LSS: variants seen among roughly 807,000 people sequenced by gnomAD.
LSS encodes the protein 2,3-epoxysqualene-lanosterol cyclase.
Under a neutral mutation model 110.3 loss-of-function variants are expected in LSS, and 90 were observed. That is an observed-to-expected ratio of 0.82 (90% CI 0.69 to 0.97). The LOEUF (loss-of-function observed/expected upper bound fraction) is 0.97, where lower values mean the gene tolerates loss of function less well. Ranked by LOEUF, LSS falls within the 50% of genes least tolerant of loss-of-function variation. LSS has a pLI of 0.00. For missense variants in LSS, 927 were observed against 990.0 expected (o/e 0.94, Z 0.85); for synonymous variants, 433 against 400.0 (o/e 1.08, Z -0.98).
chr21:46,223,787 C>T (rs1601450815), intron 3 of LSS, among the ~76,000 whole-genome samples: 1 of 152,200 alleles, frequency 6.6e-6, no homozygotes, highest in African/African-American at 2.4e-5. Context: ...CTGTTATGCC[C>T]GGACGGGGCC....
At position 46,227,630 on chromosome 21, in the gene LSS, T is replaced by A; in HGVS notation, c.241A>T (p.Met81Leu). The A allele has an allele frequency of 6.2e-7, 1 of 1,613,220 alleles. No homozygotes were observed. The highest frequency in any genetic ancestry group is 2.2e-5 in the East Asian group (1 of 44,846). Reference protein sequence around the residue: ...HTAFEGALNGMTFYVGLQAED... With the variant: ...HTAFEGALNGLTFYVGLQAED... ...GCCTGCAGCCCCACGTAAAATGTCA[T>A]CCCGTTCAGAGCCCCCTCAAAGGCG... Residue 81 changes from methionine (M) to leucine (L), a missense_variant, in exon 3 of 22, where the codon ATG becomes TTG. Met to Leu is a conservative substitution (Grantham distance 15). Transcript: ENST00000397728.
chr21:46,209,683 C>T lies in LSS; in HGVS notation c.1195-58G>A, dbSNP rs1413544152. The T allele has an allele frequency of 3.4e-6, 5 of 1,467,884 alleles. No individual in the cohort carries two copies. Among genetic ancestry groups the T allele is most frequent in the Admixed American group, 3.8e-5 (2 of 52,948 alleles). 90.9% of individuals were successfully genotyped at this position (1,467,884 alleles called of 1,614,324 possible). A position where few individuals can be genotyped will look rare whatever the true frequency, so the allele number is the denominator to read the frequency against. On this transcript the variant is annotated intron_variant, in intron 12 of 21. Coordinates refer to ENST00000397728, the MANE Select transcript of LSS (RefSeq NM_002340.6). The surrounding 1 kb of genome is among the most constrained non-coding windows in gnomAD (Gnocchi z 4.4). The stretch of plus-strand genomic sequence containing the variant: ...TGCCCTTGCACGGCCAGCATGGCTG[C>T]GCTGGTTTCCCGATGGTCCTGGCCA...
rs1439091571 is a variant in LSS at position 46,209,429 on chromosome 21, G to A, written c.1266+125C>T. On this transcript the variant is annotated intron_variant, in intron 13 of 21. Coordinates refer to ENST00000397728, the MANE Select transcript of LSS (RefSeq NM_002340.6). This position sits in a 1 kb window ranked among gnomAD's most constrained non-coding sequence, Gnocchi z 4.4. ...CTAGGGAGGGGATGGGAGGGTGGGG[G>A]TGACCTGAAACACCAGTGCAGGAAA... The A allele has an allele frequency of 1.5e-5, 13 of 839,640 alleles. No homozygotes were observed. Among genetic ancestry groups the A allele is most frequent in the African/African-American group, 1.2e-4 (7 of 58,374 alleles). The allele number at this position is 839,640 out of a possible 1,614,324, so 52.0% of individuals were successfully genotyped here.
At chr21:46,228,674 C>T in intron 1 of LSS, 58 bp downstream of exon 1, 1 of 1,600,664 alleles carries the variant, frequency 6.2e-7, no homozygotes, top group Non-Finnish European at 8.5e-7. Context: ...CAGTCGCGCT[C>T]TCCTCAGCAC....
chr21:46,194,432 A>C, intron 20 of LSS, 59 bp downstream of exon 20: 5 of 1,594,958 alleles, frequency 3.1e-6, no homozygotes, highest in Non-Finnish European at 4.3e-6. Flanking sequence ...ACCGGCTCAC[A>C]GCTGAGTGTC....
At position 46,191,253 on chromosome 21, in the gene LSS, A is replaced by C; in HGVS notation, c.2068-18T>G. ...ATGTTTTCCTAAAAGAACACAGAGAAATAAACACAAAGGCTTCACCAGTCA... is the reference window on the plus strand; with the variant it reads ...ATGTTTTCCTAAAAGAACACAGAGACATAAACACAAAGGCTTCACCAGTCA... On this transcript the variant is annotated intron_variant, in intron 21 of 21. Coordinates refer to ENST00000397728, the MANE Select transcript of LSS (RefSeq NM_002340.6). 6.2e-7 allele frequency: 1 copy of C among 1,613,910 alleles called. No individual in the cohort carries two copies.
At chr21:46,202,621 A>G (rs2079993872) in intron 17 of LSS, among the ~76,000 whole-genome samples, 1 of 151,804 alleles carries the variant, frequency 6.6e-6, no homozygotes. Context: ...GTGGTGGCTC[A>G]CTCTGTAATC....
Position 46,195,676 on chromosome 21 carries a change from C to G in LSS, c.1817G>C (p.Gly606Ala), listed in dbSNP as rs748099610. ...CACCAGAGGACAGGCACTCACTCAC[C>G]CATCTCGGTAGGTCTGCCCCATACA... The part of the protein sequence containing the change: ...FACMGQTYRD[G>A]TACAEVSRAC... Residue 606 changes from glycine to alanine, a missense_variant and splice_region_variant, in exon 19 of 22, where the codon GGG becomes GCG. Gly to Ala is a moderately conservative substitution (Grantham distance 60). Transcript: ENST00000397728. The G allele has an allele frequency of 6.2e-7, 1 of 1,613,814 alleles. No individual in the cohort carries two copies.
At chr21:46,218,635 A>G (rs2080236981) in intron 6 of LSS, among the ~76,000 whole-genome samples, 1 of 152,166 alleles carries the variant, frequency 6.6e-6, no homozygotes, top group African/African-American at 2.4e-5. Flanking sequence ...AAACAAAACA[A>G]AAAAAACACA....
chr21:46,215,985 C>T (rs574212718), intron 7 of LSS, among the ~76,000 whole-genome samples, 192 bp from the exon 8 acceptor site: 1 of 152,110 alleles, frequency 6.6e-6, no homozygotes, highest in African/African-American at 2.4e-5. Flanking sequence ...GAGGAGCTCC[C>T]CAGCTCCATG....
At chr21:46,213,981 C>A (rs1262224194) in intron 9 of LSS, 146 bp from the exon 10 acceptor site, 5 of 653,224 alleles carry the variant, frequency 7.7e-6, no homozygotes, top group Non-Finnish European at 1.1e-5. Context: ...TCTGCTCTAA[C>A]AGGCATTTCC....
Position 46,216,464 on chromosome 21 carries a change from C to T in LSS, c.708G>A (p.Val236=), listed in dbSNP as rs376767131. Residue 236 remains valine, a synonymous_variant, in exon 7 of 22, where the codon GTG becomes GTA. Coordinates refer to ENST00000397728, the MANE Select transcript of LSS (RefSeq NM_002340.6). The surrounding 1 kb of genome is among the most constrained non-coding windows in gnomAD (Gnocchi z 4.2). ...CGTAGCAGTAGCTCATGGGCAGGTACACCTGCCGGCAGTGGCACCAGAGTG... is the reference window on the plus strand; with the variant it reads ...CGTAGCAGTAGCTCATGGGCAGGTATACCTGCCGGCAGTGGCACCAGAGTG... The part of the protein sequence containing the change: ...PSTLWCHCRQ[V]YLPMSYCYAV... The T allele has an allele frequency of 1.9e-6, 3 of 1,613,438 alleles. No homozygotes were observed. Among genetic ancestry groups the T allele is most frequent in the East Asian group, 2.2e-5 (1 of 44,884 alleles).
At chr21:46,213,953 G>A (rs972653707) in intron 9 of LSS, 118 bp from the exon 10 acceptor site, 7 of 720,066 alleles carry the variant, frequency 9.7e-6, no homozygotes, top group Middle Eastern at 2.3e-4. Context: ...AGATCACTCA[G>A]GGCCAGGACA....
intron 17 of LSS, among the ~76,000 whole-genome samples, chr21:46,203,923 T>C (rs2080012479): frequency 6.6e-6 from 1 of 152,266 alleles, no homozygotes; most frequent in African/African-American, 2.4e-5. Context: ...AACTCATTTA[T>C]AGCCTCAAAT....
intron 17 of LSS, among the ~76,000 whole-genome samples, chr21:46,203,297 G>A (rs1275634286): frequency 6.6e-6 from 1 of 152,192 alleles, no homozygotes; most frequent in East Asian, 1.9e-4. Context: ...TAACCCAGAG[G>A]CTACTGAGTA....
At position 46,210,698 on chromosome 21, in the gene LSS, G is replaced by A; in HGVS notation, c.1184C>T (p.Ala395Val). 1.9e-6 allele frequency: 3 copies of A among 1,614,018 alleles called. No individual in the cohort carries two copies. Among genetic ancestry groups the A allele is most frequent in the South Asian group, 2.2e-5 (2 of 91,066 alleles). The change falls in exon 12 of 22, where the codon GCT (alanine) becomes GTT (valine). Residue 395 changes from alanine (A) to valine (V), a missense_variant. Coordinates refer to ENST00000397728, the MANE Select transcript of LSS (RefSeq NM_002340.6). Reference sequence around the variant, plus strand: ...GAAGGAGCCACGAACCTCAAGCAGAGCCTGGATGGCGAATGCGGTGTCCCA... The same window carrying A: ...GAAGGAGCCACGAACCTCAAGCAGAACCTGGATGGCGAATGCGGTGTCCCA... ...QIWDTAFAIQ[A>V]LLEAGGHHRP...
In LSS at chr21:46,193,835, G is replaced by C. The variant is rs144693442; in HGVS notation, c.1988+656C>G. On this transcript the variant is annotated intron_variant, in intron 20 of 21. Coordinates refer to ENST00000397728, the MANE Select transcript of LSS (RefSeq NM_002340.6). ...TGCATCTGTACGTGTGTGTACACAG[G>C]TGCCTGTGCATGCATACGTGTGTGC... The C allele has an allele frequency of 7.1e-4, 282 of 395,716 alleles. 1 individual carries two copies. The highest frequency in any genetic ancestry group is 1.3e-3 in the Non-Finnish European group (248 of 197,156). 24.5% of individuals were successfully genotyped at this position (395,716 alleles called of 1,614,324 possible).
chr21:46,227,134 T>G (rs988835423), intron 3 of LSS, among the ~76,000 whole-genome samples: 5 of 152,234 alleles, frequency 3.3e-5, no homozygotes, highest in Admixed American at 2.6e-4. Flanking sequence ...CTCACCAGCC[T>G]GAACCTGAAG....
rs564342928 is a variant in LSS, at chr21:46,211,304, AT to A, written c.1138-561del. Among the ~76,000 whole-genome samples, 16 of 151,802 alleles carry A rather than the reference AT, an allele frequency of 1.1e-4. No homozygotes were observed. The South Asian group carries it at 1.9e-3, about 18-fold the overall frequency. On this transcript the variant is annotated intron_variant, in intron 11 of 21. Coordinates refer to ENST00000397728, the MANE Select transcript of LSS (RefSeq NM_002340.6). ...AGCACACCCAGCTAATTTTTTTTGT[AT>A]TTTTTAGTAGCATCGGGGTTTCACC...
Sources: gnomAD v4.1 joint callset for allele counts (sites outside exome capture counted in the v4.1 genomes callset) on GRCh38, gnomAD v4.1.1 for gene constraint, Gnocchi (gnomAD v3.1) non-coding constraint, MANE v1.5 for transcripts, NCBI Gene and HGNC (gene_info 2026-07-23, HGNC 2026-07-21) for gene names.